The following WWOX variants were observed in gnomAD, a reference collection of about 807,000 sequenced individuals.
The protein encoded by WWOX is WW domain-containing oxidoreductase.
Under a neutral mutation model 46.2 loss-of-function variants are expected in WWOX, and 69 were observed. The observed-to-expected ratio is 1.49, with a 90% CI of 1.23 to 1.82. The LOEUF (loss-of-function observed/expected upper bound fraction) is 1.82, where lower values mean the gene tolerates loss of function less well. Among genes scored for constraint, WWOX ranks in the 40% most tolerant of loss-of-function variants. The pLI, the probability that WWOX is intolerant of heterozygous loss-of-function variation, is 0.00. For synonymous variants in WWOX, 359 were observed against 202.6 expected (o/e 1.77, Z -6.56); for missense variants, 919 against 542.6 (o/e 1.69, Z -6.89).
At chr16:78,796,974 A>G (rs1369931943) in intron 8 of WWOX, among the ~76,000 whole-genome samples, 1 of 151,852 alleles carries the variant, frequency 6.6e-6, no homozygotes, top group Non-Finnish European at 1.5e-5. Context: ...TATAGGCATG[A>G]GCCACCATGC....
chr16:78,607,219 ATTACT>A (rs1232856471), intron 8 of WWOX, among the ~76,000 whole-genome samples: 2 of 152,220 alleles, frequency 1.3e-5, no homozygotes, highest in Admixed American at 6.5e-5. Context: ...AAAAACATTA[ATTACT>A]TTAATAAAGC....
chr16:78,289,362 G>C (rs191763524), intron 5 of WWOX, among the ~76,000 whole-genome samples: 1 of 152,078 alleles, frequency 6.6e-6, no homozygotes, highest in Non-Finnish European at 1.5e-5. Flanking sequence ...AGTAGAGCTC[G>C]AATAGTCTAA....
intron 8 of WWOX, among the ~76,000 whole-genome samples, chr16:78,703,347 G>C (rs1222516860): frequency 1.3e-5 from 2 of 152,138 alleles, no homozygotes; most frequent in African/African-American, 4.8e-5. Flanking sequence ...CGGGCATGGT[G>C]GCTCCTACTT....
intron 8 of WWOX, among the ~76,000 whole-genome samples, chr16:78,944,440 G>T (rs750424133): frequency 1.3e-5 from 2 of 152,120 alleles, no homozygotes; most frequent in Non-Finnish European, 2.9e-5. Flanking sequence ...GGTGATGGGG[G>T]CAAATATCAC....
chr16:78,364,764 A>G (rs949406994), intron 5 of WWOX, among the ~76,000 whole-genome samples: 8 of 152,180 alleles, frequency 5.3e-5, no homozygotes, highest in African/African-American at 1.9e-4. Context: ...TACCCTGTGT[A>G]TGTCTGCACT....
chr16:78,661,679 G>A (rs866575497), intron 8 of WWOX, among the ~76,000 whole-genome samples: 1 of 152,106 alleles, frequency 6.6e-6, no homozygotes, highest in African/African-American at 2.4e-5. Context: ...TGCATGGAAT[G>A]GGGGGAAAAG....
chr16:78,748,192 A>T (rs1243307579), intron 8 of WWOX, among the ~76,000 whole-genome samples: 6 of 152,172 alleles, frequency 3.9e-5, no homozygotes, highest in African/African-American at 1.4e-4. Context: ...GTGAACAGGC[A>T]CCAAAGCTAG....
At chr16:78,420,646 T>G (rs760369430) in intron 6 of WWOX, among the ~76,000 whole-genome samples, 2 of 111,008 alleles carry the variant, frequency 1.8e-5, no homozygotes, top group South Asian at 6.3e-4. Flanking sequence ...GGCTAGTGAT[T>G]GCTAATTTTT....
At chr16:78,142,973 A>C (rs2034037878) in intron 4 of WWOX, among the ~76,000 whole-genome samples, 1 of 152,222 alleles carries the variant, frequency 6.6e-6, no homozygotes, top group Non-Finnish European at 1.5e-5. Flanking sequence ...AATTCATTTA[A>C]GTTGGCTTTC....
At chr16:78,999,580 G>C (rs1481494325) in intron 8 of WWOX, among the ~76,000 whole-genome samples, 1 of 152,188 alleles carries the variant, frequency 6.6e-6, no homozygotes, top group Non-Finnish European at 1.5e-5. Flanking sequence ...ATTCAGGGGA[G>C]AGAGACCCTT....
chr16:79,002,133 T>G (rs1399412809), intron 8 of WWOX, among the ~76,000 whole-genome samples: 1 of 151,960 alleles, frequency 6.6e-6, no homozygotes, highest in Non-Finnish European at 1.5e-5. Context: ...ATGAATGAGT[T>G]TTAATGCAAG....
chr16:78,917,076 A>C (rs905887509), intron 8 of WWOX, among the ~76,000 whole-genome samples: 1 of 152,168 alleles, frequency 6.6e-6, no homozygotes, highest in Non-Finnish European at 1.5e-5. Flanking sequence ...TTCCAGATTC[A>C]ATATAGTAGG....
intron 8 of WWOX, among the ~76,000 whole-genome samples, chr16:78,856,585 G>T (rs948926203): frequency 1.3e-5 from 2 of 152,184 alleles, no homozygotes; most frequent in East Asian, 3.9e-4. Flanking sequence ...AGAGATTGCA[G>T]TGAGCCCAGA....
chr16:78,389,644 G>A (rs2082137242), intron 6 of WWOX, among the ~76,000 whole-genome samples: 1 of 152,188 alleles, frequency 6.6e-6, no homozygotes, highest in Non-Finnish European at 1.5e-5. Context: ...AGGCTAGAGA[G>A]GATATATAAT....
chr16:78,517,231 C>T (rs1340667226), intron 8 of WWOX, among the ~76,000 whole-genome samples: 1 of 152,086 alleles, frequency 6.6e-6, no homozygotes, highest in Non-Finnish European at 1.5e-5. Flanking sequence ...ATTAAGTTAC[C>T]TTTTCCTGAA....
At chr16:78,723,286 C>T (rs1266707652) in intron 8 of WWOX, among the ~76,000 whole-genome samples, 3 of 152,118 alleles carry the variant, frequency 2.0e-5, no homozygotes, top group Admixed American at 2.0e-4. Context: ...CTTTTGAAAA[C>T]TCCCAGCATC....
chr16:78,425,059 G>T lies in WWOX; in HGVS notation c.791+4G>T, dbSNP rs766952918. 2.8e-5 allele frequency: 45 copies of T among 1,613,114 alleles called. No homozygotes were observed. Among genetic ancestry groups the T allele is most frequent in the South Asian group, 1.3e-4 (12 of 91,042 alleles). ...TGGTCTCCTCAGAGTCCCATCGGTG[G>T]GTTTGAATTGCATATTTGTTCACTT... On this transcript the variant is annotated splice_donor_region_variant and intron_variant, in intron 7 of 8. Transcript: ENST00000566780.
rs564858466 is a variant in WWOX, at chr16:78,747,795, A to G, written c.1056+315043A>G. ...AGCTTGGCAGAGCATGGATTGCTCA[A>G]CATACCAGAGTTTAGTCCTACCTCT... On this transcript the variant is annotated intron_variant, in intron 8 of 8. Transcript: ENST00000566780. Among the ~76,000 whole-genome samples, 5 of 152,330 alleles carry G rather than the reference A, an allele frequency of 3.3e-5. No individual in the cohort carries two copies. The East Asian group carries it at 5.8e-4, about 18-fold the overall frequency.
intron 8 of WWOX, among the ~76,000 whole-genome samples, chr16:78,794,896 G>T (rs2737300): frequency 0.89 from 135,956 of 152,262 alleles, 61,505 homozygotes; most frequent in Non-Finnish European, 0.97. Flanking sequence ...GAAATGACTT[G>T]CCTTTTGTAT....
Sources: allele counts gnomAD v4.1 joint callset (sites outside exome capture counted in the v4.1 genomes callset), GRCh38; gene constraint gnomAD v4.1.1; transcripts MANE v1.5; gene names NCBI Gene and HGNC (gene_info 2026-07-23, HGNC 2026-07-21).